COTL1: variants seen among roughly 807,000 people sequenced by gnomAD.
The protein encoded by COTL1 is coactosin-like protein.
A neutral mutation model predicts 16.5 loss-of-function variants in COTL1; 15 were observed. That is an observed-to-expected ratio of 0.91 (90% CI 0.61 to 1.40). COTL1 has a LOEUF of 1.40. Ranked by LOEUF, COTL1 falls within the 40% of genes most tolerant of loss-of-function variation. COTL1 has a pLI of 0.00. For missense variants in COTL1, 220 were observed against 201.5 expected (o/e 1.09, Z -0.56); for synonymous variants, 112 against 85.3 (o/e 1.31, Z -1.73).
At position 84,566,824 on chromosome 16, in the gene COTL1, G is replaced by A; in HGVS notation, c.*21C>T. On this transcript the variant is annotated 3_prime_UTR_variant, in exon 4 of 4. Coordinates refer to ENST00000262428, the MANE Select transcript of COTL1 (RefSeq NM_021149.5). ...AGCAGGCAGATGACTTTGGCAAGGG[G>A]TGGTGTGGCGGGGGCTGGGGTTACT... 3 of 1,544,884 alleles carry A rather than the reference G, an allele frequency of 1.9e-6. No homozygotes were observed. The highest frequency in any genetic ancestry group is 1.1e-5 in the South Asian group (1 of 89,106).
Position 84,582,651 on chromosome 16 carries a change from G to A in COTL1, c.318+7454C>T, listed in dbSNP as rs1416880866. On this transcript the variant is annotated intron_variant, in intron 3 of 3. Coordinates refer to ENST00000262428, the MANE Select transcript of COTL1 (RefSeq NM_021149.5). Reference sequence around the variant, plus strand: ...AATTAATTCTGATTGAGGCTGGTAGGAGAATGGGGTAAGAAATCCGGGTTT... The same window carrying A: ...AATTAATTCTGATTGAGGCTGGTAGAAGAATGGGGTAAGAAATCCGGGTTT... 3.9e-5 allele frequency among the ~76,000 whole-genome samples: 6 copies of A among 152,204 alleles called. No individual in the cohort carries two copies. In the East Asian group the frequency reaches 1.2e-3, roughly 29 times the overall value.
chr16:84,581,164 A>ATGTATGTATGCATGTATGT, intron 3 of COTL1, among the ~76,000 whole-genome samples: 1 of 147,024 alleles, frequency 6.8e-6, no homozygotes, highest in African/African-American at 2.6e-5. Flanking sequence ...CAAACAAATA[A>ATGTATGTATGCATGTATGT]ATATATGTAT....
rs770616974 is a variant in COTL1, at chr16:84,617,870, G to T, written c.45C>A (p.Asn15Lys). The T allele has an allele frequency of 2.2e-5, 35 of 1,575,224 alleles. No homozygotes were observed. The highest frequency in any genetic ancestry group is 2.8e-5 in the Non-Finnish European group (33 of 1,161,656). The change falls in exon 1 of 4, where the codon AAC becomes AAA. Residue 15 changes from asparagine (N) to lysine (K), a missense_variant. Physicochemically the swap from Asn to Lys is moderately conservative, Grantham distance 94. Coordinates refer to ENST00000262428, the MANE Select transcript of COTL1 (RefSeq NM_021149.5). ...CGGCCGAGCCGTCGTCGCGCACCAG[G>T]TTGTACGCCGCCCGGCAAGCCTCTT... ...IDKEACRAAY[N>K]LVRDDGSAVI...
At position 84,566,667 on chromosome 16, in the gene COTL1, G is replaced by A. The variant is rs921132727; in HGVS notation, c.*178C>T. ...CCATGAGCGTCATGAGATAGGACAC[G>A]GCAGGGTTCTAAGGGAAGCGGGAAG... On this transcript the variant is annotated 3_prime_UTR_variant, in exon 4 of 4. Coordinates refer to ENST00000262428, the MANE Select transcript of COTL1 (RefSeq NM_021149.5). 8 of 565,186 alleles carry A rather than the reference G, an allele frequency of 1.4e-5. No individual in the cohort carries two copies. The highest frequency in any genetic ancestry group is 2.2e-5 in the Non-Finnish European group (7 of 316,994). The allele number at this position is 565,186 out of a possible 1,614,324, so 35.0% of individuals were successfully genotyped here.
chr16:84,593,666 C>T (rs563457854), intron 2 of COTL1, among the ~76,000 whole-genome samples: 7 of 152,236 alleles, frequency 4.6e-5, no homozygotes, highest in South Asian at 4.1e-4. Context: ...CGCCCGCCAC[C>T]ACGCCCGGCT....
chr16:84,603,848 CAA>C (rs1460410995), intron 2 of COTL1, among the ~76,000 whole-genome samples: 12 of 151,914 alleles, frequency 7.9e-5, no homozygotes, highest in African/African-American at 2.7e-4. Context: ...GGACATGAAA[CAA>C]AAGTGATCAG....
intron 2 of COTL1, among the ~76,000 whole-genome samples, chr16:84,591,168 C>T (rs184686584): frequency 1.3e-5 from 2 of 149,664 alleles, no homozygotes; most frequent in Non-Finnish European, 3.0e-5. Context: ...ATCAAAATAT[C>T]ATTTGATATT....
rs1285120147 is a variant in COTL1, at chr16:84,617,986, C to A, written c.-72G>T. 20 of 1,157,802 alleles carry A rather than the reference C, an allele frequency of 1.7e-5. No homozygotes were observed. The East Asian group carries it at 5.2e-4, about 30-fold the overall frequency. The allele number at this position is 1,157,802 out of a possible 1,614,324, so 71.7% of individuals were successfully genotyped here. A position where few individuals can be genotyped will look rare whatever the true frequency, so the allele number is the denominator to read the frequency against. ...CCCTGGCCGGCGGCGGGGATGGGAGCGCGGCGGGTACGCGCCGAGGGCGCA... is the reference window on the plus strand; with the variant it reads ...CCCTGGCCGGCGGCGGGGATGGGAGAGCGGCGGGTACGCGCCGAGGGCGCA... On this transcript the variant is annotated 5_prime_UTR_variant, in exon 1 of 4. Coordinates refer to ENST00000262428, the MANE Select transcript of COTL1 (RefSeq NM_021149.5).
At chr16:84,616,684 G>C (rs564074426) in intron 2 of COTL1, among the ~76,000 whole-genome samples, 1 of 152,236 alleles carries the variant, frequency 6.6e-6, no homozygotes, top group East Asian at 1.9e-4. Flanking sequence ...ACATCACAGA[G>C]CCTCTGCCAC....
rs1048668203 is a variant in COTL1, at chr16:84,572,452, A to G, written c.319-5497T>C. 6.2e-4 allele frequency among the ~76,000 whole-genome samples: 95 copies of G among 152,150 alleles called. 2 individuals carry two copies. Among genetic ancestry groups the G allele is most frequent in the Non-Finnish European group, 3.5e-4 (24 of 68,026 alleles). ...CCAGGGCCTAGAGCAATGCGGACACACACAGAATGTTAATTTCTCTTTTTT... is the reference window on the plus strand; with the variant it reads ...CCAGGGCCTAGAGCAATGCGGACACGCACAGAATGTTAATTTCTCTTTTTT... On this transcript the variant is annotated intron_variant, in intron 3 of 3. Transcript: ENST00000262428.
intron 3 of COTL1, among the ~76,000 whole-genome samples, chr16:84,580,105 TG>T (rs1445784774): frequency 9.2e-5 from 14 of 152,244 alleles, no homozygotes; most frequent in Non-Finnish European, 1.8e-4. Context: ...GGCCAAGGGC[TG>T]GCACTGGTCT....
At chr16:84,578,895 GCACA>G (rs920044759) in intron 3 of COTL1, among the ~76,000 whole-genome samples, 1 of 150,960 alleles carries the variant, frequency 6.6e-6, no homozygotes, top group Admixed American at 6.6e-5. Context: ...ACAGACGCAT[GCACA>G]CACAGACACA....
chr16:84,582,064 T>C (rs1057454002), intron 3 of COTL1, among the ~76,000 whole-genome samples: 1 of 144,972 alleles, frequency 6.9e-6, no homozygotes, highest in Non-Finnish European at 1.5e-5. Context: ...CTCGGCTCAC[T>C]GCAACCTCTG....
In COTL1 at chr16:84,590,186, G is replaced by C; in HGVS notation, c.237C>G (p.Ile79Met). Residue 79 changes from isoleucine to methionine, a missense_variant, in exon 3 of 4, where the codon ATC (isoleucine) becomes ATG (methionine). Transcript: ENST00000262428. This position sits in a 1 kb window ranked among gnomAD's most constrained non-coding sequence, Gnocchi z 5.5. The part of the protein sequence containing the change: ...AMSKRSKFAL[I>M]TWIGENVSGL... Reference sequence around the variant, plus strand: ...CGCTGACGTTCTCACCGATCCACGTGATGAGGGCAAACTTGGACCTCTTGC... The same window carrying C: ...CGCTGACGTTCTCACCGATCCACGTCATGAGGGCAAACTTGGACCTCTTGC... 1.2e-6 allele frequency: 2 copies of C among 1,614,216 alleles called. No individual in the cohort carries two copies. Among genetic ancestry groups the C allele is most frequent in the Non-Finnish European group, 1.7e-6 (2 of 1,180,044 alleles).
intron 3 of COTL1, among the ~76,000 whole-genome samples, chr16:84,581,989 T>C (rs1334556217): frequency 3.6e-5 from 3 of 82,862 alleles, no homozygotes; most frequent in Non-Finnish European, 5.8e-5. Flanking sequence ...TTTTTTTTTT[T>C]TTTTTTTTTT....
chr16:84,614,276 C>T (rs966692185), intron 2 of COTL1, among the ~76,000 whole-genome samples: 2 of 152,214 alleles, frequency 1.3e-5, no homozygotes, highest in African/African-American at 2.4e-5. Context: ...GCGAGGAAGG[C>T]CGGGAGCCAG....
chr16:84,617,884 G>A lies in COTL1; in HGVS notation c.31C>T (p.Arg11Trp), dbSNP rs762230766. 1.9e-6 allele frequency: 3 copies of A among 1,570,752 alleles called. No individual in the cohort carries two copies. The highest frequency in any genetic ancestry group is 1.2e-5 in the South Asian group (1 of 85,916). ...TCGCGCACCAGGTTGTACGCCGCCC[G>A]GCAAGCCTCTTTGTCGATCTTGGTG... MATKIDKEAC[R>W]AAYNLVRDDG... The change falls in exon 1 of 4, where the codon CGG becomes TGG. Residue 11 changes from arginine (R) to tryptophan (W), a missense_variant. Physicochemically the swap from Arg to Trp is moderately radical, Grantham distance 101. Coordinates refer to ENST00000262428, the MANE Select transcript of COTL1 (RefSeq NM_021149.5).
chr16:84,616,557 G>C (rs1219762606), intron 2 of COTL1: 1 of 149,096 alleles, frequency 6.7e-6, no homozygotes, highest in Non-Finnish European at 1.5e-5. Context: ...GTCTGGCTCA[G>C]GGTCCACGCC....
chr16:84,602,718 G>A (rs1285412916), intron 2 of COTL1, among the ~76,000 whole-genome samples: 3 of 152,076 alleles, frequency 2.0e-5, no homozygotes, highest in African/African-American at 7.2e-5. Flanking sequence ...AGCCATTCAT[G>A]GTGGTGCACA....
Sources: gnomAD v4.1 joint callset for allele counts (sites outside exome capture counted in the v4.1 genomes callset) on GRCh38, gnomAD v4.1.1 for gene constraint, Gnocchi (gnomAD v3.1) non-coding constraint, MANE v1.5 for transcripts, NCBI Gene and HGNC (gene_info 2026-07-23, HGNC 2026-07-21) for gene names.